Variants in WASL observed in about 807,000 individuals in gnomAD.
WASL encodes actin nucleation-promoting factor WASL.
Under a neutral mutation model 55.5 loss-of-function variants are expected in WASL, and 20 were observed. That is an observed-to-expected ratio of 0.36 (90% confidence interval 0.25 to 0.52). The LOEUF (loss-of-function observed/expected upper bound fraction) is 0.52. WASL is among the 20% of genes least tolerant of loss of function. The probability of loss-of-function intolerance (pLI) is 0.92; values close to 1 mark genes in which losing one functional copy is unlikely to be tolerated. For missense variants in WASL, 504 were observed against 622.5 expected, an observed-to-expected ratio of 0.81 and a Z score of 2.03; for synonymous variants, 249 against 217.6, an observed-to-expected ratio of 1.14 and a Z score of -1.27.
chr7:123,689,284 C>G, intron 9 of WASL, 134 bp from the exon 10 acceptor site: 2 of 611,212 alleles, frequency 3.3e-6, no homozygotes, highest in South Asian at 4.7e-5. Flanking sequence ...AAGCGCAGGA[C>G]AAGATTAATC....
intron 2 of WASL, among the ~76,000 whole-genome samples, chr7:123,708,831 T>C (rs1356733172): frequency 6.7e-6 from 1 of 150,172 alleles, no homozygotes; most frequent in Non-Finnish European, 1.5e-5. Flanking sequence ...ACAGGCATAA[T>C]TTAAAAAAAA....
At chr7:123,694,105 G>T (rs1250769917) in intron 8 of WASL, among the ~76,000 whole-genome samples, 1 of 152,144 alleles carries the variant, frequency 6.6e-6, no homozygotes, top group African/African-American at 2.4e-5. Context: ...AAGAAGAAAA[G>T]AAAGCAGTCC....
chr7:123,725,010 C>A (rs752431302), intron 1 of WASL, among the ~76,000 whole-genome samples: 6 of 151,904 alleles, frequency 3.9e-5, no homozygotes, highest in Admixed American at 3.3e-4. Flanking sequence ...CTCAAAGCTT[C>A]CCCAATAGAA....
intron 1 of WASL, among the ~76,000 whole-genome samples, chr7:123,746,158 A>G (rs1008726775): frequency 1.3e-5 from 2 of 152,192 alleles, no homozygotes; most frequent in African/African-American, 2.4e-5. Flanking sequence ...GCAGCCTCTT[A>G]CACATCACTC....
At chr7:123,718,897 A>C (rs971891221) in intron 1 of WASL, among the ~76,000 whole-genome samples, 1 of 152,198 alleles carries the variant, frequency 6.6e-6, no homozygotes, top group Non-Finnish European at 1.5e-5. Flanking sequence ...TCTTTCATTC[A>C]AGTATCTGTT....
intron 10 of WASL, 49 bp downstream of exon 10, chr7:123,688,993 G>T (rs780449882): frequency 1.4e-5 from 20 of 1,429,966 alleles, no homozygotes; most frequent in Non-Finnish European, 1.6e-5. Flanking sequence ...AAACACACAC[G>T]CACACTCTCT....
intron 2 of WASL, among the ~76,000 whole-genome samples, chr7:123,708,807 A>C (rs1235590669): frequency 6.6e-6 from 1 of 152,032 alleles, no homozygotes; most frequent in Non-Finnish European, 1.5e-5. Flanking sequence ...AGTGTAAAGA[A>C]AGCCCAAGAA....
chr7:123,696,485 G>C, intron 6 of WASL, 94 bp downstream of exon 6: 1 of 1,277,254 alleles, frequency 7.8e-7, no homozygotes, highest in Non-Finnish European at 1.0e-6. Flanking sequence ...ACACCCTCCC[G>C]AAAAGAGAAG....
intron 2 of WASL, 89 bp from the exon 3 acceptor site, chr7:123,706,915 G>T: frequency 1.5e-6 from 1 of 686,838 alleles, no homozygotes; most frequent in Non-Finnish European, 2.3e-6. Flanking sequence ...TAAGAAAACT[G>T]TTTATATTAA....
chr7:123,736,327 A>C (rs1040410396), intron 1 of WASL, among the ~76,000 whole-genome samples: 1 of 152,216 alleles, frequency 6.6e-6, no homozygotes. Context: ...AAATGATACC[A>C]GAGAAATACC....
At chr7:123,717,954 G>A (rs1803872973) in intron 1 of WASL, among the ~76,000 whole-genome samples, 1 of 152,020 alleles carries the variant, frequency 6.6e-6, no homozygotes, top group Non-Finnish European at 1.5e-5. Flanking sequence ...GTCCATGGTT[G>A]GTACTCTGTC....
rs936398710 is a variant in WASL at position 123,748,546 on chromosome 7, C to T, written c.117+72G>A. The T allele has an allele frequency of 2.3e-5, 36 of 1,540,032 alleles. 1 individual carries two copies. Among genetic ancestry groups the T allele is most frequent in the Middle Eastern group, 3.4e-4 (2 of 5,838 alleles). On this transcript the variant is annotated intron_variant, in intron 1 of 10. Transcript: ENST00000223023. ...GCCGCTCCCGCCTCCTTCCCCACTC[C>T]CACTTCCCGGCCCCCAAGCCCGGGC...
chr7:123,694,078 A>G (rs1489419381), intron 8 of WASL, among the ~76,000 whole-genome samples: 1 of 152,212 alleles, frequency 6.6e-6, no homozygotes, highest in African/African-American at 2.4e-5. Flanking sequence ...CACTATTATG[A>G]GTATGCAAAA....
At chr7:123,730,832 T>C (rs1468660898) in intron 1 of WASL, among the ~76,000 whole-genome samples, 1 of 152,164 alleles carries the variant, frequency 6.6e-6, no homozygotes, top group Non-Finnish European at 1.5e-5. Context: ...AGGGAGTACA[T>C]GTGCAGGTTT....
At chr7:123,747,393 T>A (rs567139028) in intron 1 of WASL, among the ~76,000 whole-genome samples, 1 of 152,162 alleles carries the variant, frequency 6.6e-6, no homozygotes, top group African/African-American at 2.4e-5. Flanking sequence ...TTCCGAAATA[T>A]GAAACACATC....
intron 5 of WASL, among the ~76,000 whole-genome samples, chr7:123,697,957 C>G (rs1208171323): frequency 6.6e-6 from 1 of 152,132 alleles, no homozygotes; most frequent in Non-Finnish European, 1.5e-5. Flanking sequence ...TCAAGCTTTT[C>G]CTTTAGACAA....
At chr7:123,706,690 G>C (rs1176380666) in intron 3 of WASL, 50 bp downstream of exon 3, 3 of 1,279,420 alleles carry the variant, frequency 2.3e-6, no homozygotes, top group East Asian at 4.8e-5. Flanking sequence ...GATTAGAAAA[G>C]GCAAGCAATG....
rs779974404 is a variant in WASL, at chr7:123,692,431, T to C, written c.1263A>G (p.Lys421=). The C allele has an allele frequency of 1.2e-6, 2 of 1,613,952 alleles. No individual in the cohort carries two copies. The highest frequency in any genetic ancestry group is 3.3e-5 in the Admixed American group (2 of 59,994). ...DQIREGAQLK[K]VEQNSRPVSC... is the part of the protein sequence containing the mutation. ...ACACTGGCCGACTGTTCTGCTCCAC[T>C]TTTTTTAGCTGAGCACCCTCTCTAA... Residue 421 remains lysine (K), a synonymous_variant, in exon 9 of 11, where the codon AAA becomes AAG. Transcript: ENST00000223023.
At chr7:123,709,282 C>T (rs906791352) in intron 1 of WASL, 59 bp from the exon 2 acceptor site, 5 of 1,449,664 alleles carry the variant, frequency 3.4e-6, no homozygotes, top group Admixed American at 2.2e-5. Context: ...TGATCATAGC[C>T]CCTGCTGACA....
Sources: gnomAD v4.1 joint callset for allele counts (sites outside exome capture counted in the v4.1 genomes callset) on GRCh38, gnomAD v4.1.1 for gene constraint, MANE v1.5 for transcripts, NCBI Gene and HGNC (gene_info 2026-07-23, HGNC 2026-07-21) for gene names.